The following KCNIP1 variants were observed in gnomAD, a reference collection of about 807,000 sequenced individuals.
KCNIP1 encodes the protein potassium voltage-gated channel interacting protein 1.
KCNIP1 carries 18 observed loss-of-function variants against 33.0 expected under a neutral mutation model. The ratio of observed to expected loss-of-function variants is 0.55; its 90% CI spans 0.38 to 0.81. The LOEUF (loss-of-function observed/expected upper bound fraction) is 0.81. Ranked by LOEUF, KCNIP1 falls within the 30% of genes least tolerant of loss-of-function variation. KCNIP1 has a pLI of 0.00. For synonymous variants in KCNIP1, 93 were observed against 98.3 expected (o/e 0.95, Z 0.32); for missense variants, 238 against 271.6 (o/e 0.88, Z 0.87).
At chr5:170,484,456 G>A (rs533898095) in intron 1 of KCNIP1, among the ~76,000 whole-genome samples, 4 of 152,248 alleles carry the variant, frequency 2.6e-5, no homozygotes, top group East Asian at 1.9e-4. Flanking sequence ...TCCATCGCAC[G>A]TTGGGGAAGC....
At chr5:170,729,747 T>C (rs1237682089) in intron 5 of KCNIP1, among the ~76,000 whole-genome samples, 1 of 152,108 alleles carries the variant, frequency 6.6e-6, no homozygotes, top group Non-Finnish European at 1.5e-5. Flanking sequence ...TGGTGGAAAG[T>C]GGTTTTTCAT....
At chr5:170,434,134 A>G (rs1039785277) in intron 1 of KCNIP1, among the ~76,000 whole-genome samples, 1 of 152,134 alleles carries the variant, frequency 6.6e-6, no homozygotes, top group Non-Finnish European at 1.5e-5. Context: ...GCCCCAAACT[A>G]TCTGTGGAAC....
chr5:170,494,839 A>G (rs1373886059), intron 1 of KCNIP1, among the ~76,000 whole-genome samples: 2 of 152,212 alleles, frequency 1.3e-5, no homozygotes, highest in African/African-American at 4.8e-5. Context: ...TTGAAGGCAG[A>G]GAGATCGGGT....
At chr5:170,646,280 A>G (rs928703914) in intron 1 of KCNIP1, among the ~76,000 whole-genome samples, 9 of 152,178 alleles carry the variant, frequency 5.9e-5, no homozygotes, top group African/African-American at 2.2e-4. Flanking sequence ...AACCAGACAA[A>G]GACATCAGAA....
At chr5:170,687,915 G>GA (rs1290831581) in intron 1 of KCNIP1, among the ~76,000 whole-genome samples, 3 of 152,164 alleles carry the variant, frequency 2.0e-5, no homozygotes, top group Non-Finnish European at 1.5e-5. Flanking sequence ...TACAGACAGA[G>GA]AACAGCTGGT....
intron 1 of KCNIP1, among the ~76,000 whole-genome samples, chr5:170,693,792 CT>C (rs1762803691): frequency 6.6e-6 from 1 of 152,180 alleles, no homozygotes; most frequent in Non-Finnish European, 1.5e-5. Flanking sequence ...TTATCTCGGG[CT>C]TGGAGGAAGG....
intron 1 of KCNIP1, among the ~76,000 whole-genome samples, chr5:170,616,301 G>C (rs1186680299): frequency 1.2e-5 from 1 of 84,244 alleles, no homozygotes; most frequent in Non-Finnish European, 2.3e-5. Flanking sequence ...TGTTTTCTGA[G>C]CACCTACCCT....
At chr5:170,440,107 A>G (rs538628819) in intron 1 of KCNIP1, among the ~76,000 whole-genome samples, 1 of 152,318 alleles carries the variant, frequency 6.6e-6, no homozygotes, top group Non-Finnish European at 1.5e-5. Context: ...AGAATAAGAC[A>G]TAGACACACA....
At chr5:170,491,785 C>A (rs529097626) in intron 1 of KCNIP1, among the ~76,000 whole-genome samples, 1 of 152,278 alleles carries the variant, frequency 6.6e-6, no homozygotes, top group South Asian at 2.1e-4. Flanking sequence ...ATGCCGGAAA[C>A]TTTCCAGAGC....
chr5:170,625,342 A>G (rs1050586337), intron 1 of KCNIP1, among the ~76,000 whole-genome samples: 5 of 152,168 alleles, frequency 3.3e-5, no homozygotes, highest in Admixed American at 3.3e-4. Flanking sequence ...AGCCCCAAGA[A>G]TACAAGAGCT....
intron 1 of KCNIP1, among the ~76,000 whole-genome samples, chr5:170,710,727 C>A (rs938501139): frequency 6.6e-6 from 1 of 152,134 alleles, no homozygotes; most frequent in Non-Finnish European, 1.5e-5. Context: ...GGGATTCCAC[C>A]CCTGCATAGG....
chr5:170,680,660 A>G (rs753655660), intron 1 of KCNIP1: 43 of 155,552 alleles, frequency 2.8e-4, no homozygotes, highest in African/African-American at 6.7e-4. Flanking sequence ...CTCTCCATCT[A>G]TCTGCGATCT....
intron 1 of KCNIP1, among the ~76,000 whole-genome samples, chr5:170,626,719 G>A (rs1393510388): frequency 2.0e-5 from 3 of 152,230 alleles, no homozygotes; most frequent in African/African-American, 7.2e-5. Flanking sequence ...CCGGGCCACA[G>A]CCGAGGCTGG....
At chr5:170,458,854 A>C (rs561590221) in intron 1 of KCNIP1, among the ~76,000 whole-genome samples, 89 of 152,350 alleles carry the variant, frequency 5.8e-4, no homozygotes, top group African/African-American at 2.0e-3. Flanking sequence ...ATGGTACCTC[A>C]CACCTCAATA....
chr5:170,599,232 G>A (rs1581381289), intron 1 of KCNIP1, among the ~76,000 whole-genome samples: 1 of 152,164 alleles, frequency 6.6e-6, no homozygotes, highest in East Asian at 1.9e-4. Flanking sequence ...CAAACTACTA[G>A]GCATACAGTA....
intron 1 of KCNIP1, among the ~76,000 whole-genome samples, chr5:170,681,761 A>G (rs1762359437): frequency 6.6e-6 from 1 of 152,182 alleles, no homozygotes; most frequent in African/African-American, 2.4e-5. Flanking sequence ...GGGGTTATAA[A>G]TCCAGGTTAA....
chr5:170,514,802 G>A lies in KCNIP1; in HGVS notation c.61+10169G>A, dbSNP rs143978316. Among the ~76,000 whole-genome samples, 79 of 152,324 alleles carry A rather than the reference G, an allele frequency of 5.2e-4. No homozygotes were observed. In the East Asian group the frequency reaches 0.014, roughly 28 times the overall value. ...AACCGATCTGTATCGGGCACCTGCT[G>A]CATGCCAAGGACTGTGCAAGGTGTT... is the stretch of plus-strand genomic sequence containing the variant. On this transcript the variant is annotated intron_variant, in intron 1 of 7. Coordinates refer to ENST00000328939, the MANE Select transcript of KCNIP1 (RefSeq NM_014592.4).
At chr5:170,362,210 C>A (rs998734482) in intron 1 of KCNIP1, among the ~76,000 whole-genome samples, 3 of 152,194 alleles carry the variant, frequency 2.0e-5, no homozygotes, top group Non-Finnish European at 4.4e-5. Flanking sequence ...GGGGACCGGC[C>A]TGCTTGGAGT....
Position 170,589,794 on chromosome 5 carries a change from T to TGTGCGGTGCGGTGCG in KCNIP1, c.61+85170_61+85184dup, listed in dbSNP as rs149120148. 1.1e-3 allele frequency among the ~76,000 whole-genome samples: 122 copies of TGTGCGGTGCGGTGCG among 113,236 alleles called. 2 individuals are homozygous for TGTGCGGTGCGGTGCG. The highest frequency in any genetic ancestry group is 1.0e-2 in the South Asian group (30 of 3,004). 74.3% of individuals were successfully genotyped at this position (113,236 alleles called of 152,430 possible). ...TGTGGTGTGGTGTGATGTGATGTGG[T>TGTGCGGTGCGGTGCG]GTGCGGTGCGGTGCGGTGCGGTGTG... On this transcript the variant is annotated intron_variant, in intron 1 of 7. Transcript: ENST00000328939.
Sources: allele counts gnomAD v4.1 joint callset (sites outside exome capture counted in the v4.1 genomes callset), GRCh38; gene constraint gnomAD v4.1.1; transcripts MANE v1.5; gene names NCBI Gene and HGNC (gene_info 2026-07-23, HGNC 2026-07-21).